Variants in VMP1 observed in about 807,000 individuals in gnomAD.
VMP1 encodes the protein ectopic P-granules autophagy protein 3 homolog.
A neutral mutation model predicts 56.0 loss-of-function variants in VMP1; 11 were observed. The ratio of observed to expected loss-of-function variants is 0.20; its 90% CI spans 0.12 to 0.32. The LOEUF is 0.32. VMP1 is among the 10% of genes least tolerant of loss of function. The pLI, the probability that VMP1 is intolerant of heterozygous loss-of-function variation, is 1.00. For synonymous variants in VMP1, 149 were observed against 165.0 expected (o/e 0.90, Z 0.74); for missense variants, 296 against 490.3 (o/e 0.60, Z 3.74).
chr17:59,790,268 A>G (rs1472301026), intron 7 of VMP1, among the ~76,000 whole-genome samples: 1 of 152,218 alleles, frequency 6.6e-6, no homozygotes, highest in Non-Finnish European at 1.5e-5. Context: ...CTAAGGCCCT[A>G]TGAAGAGATC....
intron 7 of VMP1, among the ~76,000 whole-genome samples, chr17:59,783,112 C>T (rs1443762687): frequency 6.6e-6 from 1 of 152,136 alleles, no homozygotes; most frequent in African/African-American, 2.4e-5. Flanking sequence ...AGGAGAATGG[C>T]ATGAACCTGG....
intron 7 of VMP1, among the ~76,000 whole-genome samples, chr17:59,796,670 G>A (rs939635539): frequency 3.9e-5 from 6 of 152,102 alleles, no homozygotes; most frequent in African/African-American, 1.2e-4. Flanking sequence ...CTAAAACTTA[G>A]CATTTAAAAT....
chr17:59,833,296 A>T (rs569237384), intron 10 of VMP1, among the ~76,000 whole-genome samples: 1 of 152,196 alleles, frequency 6.6e-6, no homozygotes, highest in East Asian at 1.9e-4. Flanking sequence ...CTTTAGTGAT[A>T]ATTAAGCAAA....
intron 5 of VMP1, among the ~76,000 whole-genome samples, chr17:59,757,324 A>C (rs1217076419): frequency 1.3e-5 from 2 of 152,114 alleles, no homozygotes; most frequent in African/African-American, 4.8e-5. Context: ...CCCTTCTAGG[A>C]CAATTTTTTT....
At chr17:59,721,555 C>T (rs1236910920) in intron 1 of VMP1, among the ~76,000 whole-genome samples, 1 of 152,004 alleles carries the variant, frequency 6.6e-6, no homozygotes, top group African/African-American at 2.4e-5. Context: ...TTTGAAGACA[C>T]ATACAGTAAA....
intron 10 of VMP1, chr17:59,837,992 T>C (rs2039034815): frequency 8.6e-6 from 2 of 231,842 alleles, no homozygotes; most frequent in Non-Finnish European, 1.7e-5. Flanking sequence ...CTCTGAGGAC[T>C]AACTCTTTTG....
chr17:59,747,478 C>T (rs947676946), intron 5 of VMP1, among the ~76,000 whole-genome samples: 2 of 149,758 alleles, frequency 1.3e-5, no homozygotes, highest in Admixed American at 1.3e-4. Context: ...GGCACAATCT[C>T]GGCTCGCCAC....
rs757075911 is a variant in VMP1, at chr17:59,773,759, C to A, written c.588C>A (p.Ile196=). 3.1e-6 allele frequency: 5 copies of A among 1,602,046 alleles called. No individual in the cohort carries two copies. The highest frequency in any genetic ancestry group is 4.3e-6 in the Non-Finnish European group (5 of 1,175,838). The change falls in exon 7 of 12, where the codon ATC becomes ATA. Residue 196 remains isoleucine, a synonymous_variant. Coordinates refer to ENST00000262291, the MANE Select transcript of VMP1 (RefSeq NM_030938.5). The part of the protein sequence containing the change: ...KVRIEACMWG[I]GTAIGELPPY... The stretch of plus-strand genomic sequence containing the variant: ...TATTTTGGTTTTTCACCTAGGGTAT[C>A]GGTACAGCAATCGGAGAGCTGCCTC...
In VMP1 at chr17:59,782,257, T is replaced by A. The variant is rs1198987089; in HGVS notation, c.714+8372T>A. Reference sequence around the variant, plus strand: ...TGGTTTTATTCTTTTAAGTCTTTAATCTATGAAAATATTTTTACATATGAT... The same window carrying A: ...TGGTTTTATTCTTTTAAGTCTTTAAACTATGAAAATATTTTTACATATGAT... On this transcript the variant is annotated intron_variant, in intron 7 of 11. Transcript: ENST00000262291. Among the ~76,000 whole-genome samples the A allele has an allele frequency of 2.0e-5, 3 of 152,110 alleles. No homozygotes were observed. The East Asian group carries it at 5.8e-4, about 29-fold the overall frequency.
At chr17:59,712,346 G>C (rs1013842770) in intron 1 of VMP1, among the ~76,000 whole-genome samples, 6 of 152,144 alleles carry the variant, frequency 3.9e-5, no homozygotes, top group Non-Finnish European at 7.3e-5. Flanking sequence ...AACCAAATGA[G>C]GCATTCTTTT....
chr17:59,742,653 A>G (rs554537508), intron 5 of VMP1, among the ~76,000 whole-genome samples: 38 of 152,220 alleles, frequency 2.5e-4, no homozygotes, highest in East Asian at 9.7e-4. Flanking sequence ...CCCAGGCCAC[A>G]GACCAGTACT....
intron 1 of VMP1, among the ~76,000 whole-genome samples, chr17:59,709,418 T>C (rs1452462821): frequency 2.6e-5 from 4 of 152,360 alleles, no homozygotes; most frequent in Non-Finnish European, 5.9e-5. Context: ...ACTTGTTAAG[T>C]AATGGCTGAT....
chr17:59,756,977 C>T (rs1447004309), intron 5 of VMP1, among the ~76,000 whole-genome samples: 3 of 151,968 alleles, frequency 2.0e-5, no homozygotes, highest in African/African-American at 4.8e-5. Context: ...AATCATGAGC[C>T]GCTGTAGTAT....
At position 59,761,980 on chromosome 17, in the gene VMP1, T is replaced by G. The variant is rs1417396017; in HGVS notation, c.415-2991T>G. ...CTTGCTCTTTTGACCATGGAATTTT[T>G]GGCAGGCATGGAATGTGTCTACAGA... On this transcript the variant is annotated intron_variant, in intron 5 of 11. Coordinates refer to ENST00000262291, the MANE Select transcript of VMP1 (RefSeq NM_030938.5). Among the ~76,000 whole-genome samples the G allele has an allele frequency of 6.6e-5, 10 of 152,208 alleles. No individual in the cohort carries two copies. The East Asian group carries it at 1.9e-3, about 29-fold the overall frequency.
chr17:59,801,090 AAATAT>A (rs1312691007), intron 7 of VMP1, among the ~76,000 whole-genome samples: 4 of 117,076 alleles, frequency 3.4e-5, no homozygotes, highest in African/African-American at 1.6e-4. Flanking sequence ...GAAAAAAAAA[AAATAT>A]ATATATATAT....
chr17:59,743,234 C>G (rs1364754917), intron 5 of VMP1, among the ~76,000 whole-genome samples: 1 of 152,040 alleles, frequency 6.6e-6, no homozygotes, highest in Non-Finnish European at 1.5e-5. Context: ...TTAAAAATGC[C>G]CTGTGCTTCA....
chr17:59,714,650 G>A (rs1236766704), intron 1 of VMP1, among the ~76,000 whole-genome samples: 1 of 151,482 alleles, frequency 6.6e-6, no homozygotes, highest in African/African-American at 2.4e-5. Context: ...TTTGTTTTTG[G>A]TGGGGGGTGG....
chr17:59,774,941 A>AT (rs11354629), intron 7 of VMP1, among the ~76,000 whole-genome samples: 15 of 137,604 alleles, frequency 1.1e-4, no homozygotes, highest in South Asian at 2.3e-4. Flanking sequence ...TACAAAAAAA[A>AT]TTTTTTTTTT....
intron 7 of VMP1, among the ~76,000 whole-genome samples, chr17:59,798,259 C>T (rs1458310437): frequency 6.6e-6 from 1 of 152,114 alleles, no homozygotes; most frequent in Non-Finnish European, 1.5e-5. Context: ...GTTGATAGCT[C>T]CCTATTTTTG....
Sources: allele counts gnomAD v4.1 joint callset (sites outside exome capture counted in the v4.1 genomes callset), GRCh38; gene constraint gnomAD v4.1.1; transcripts MANE v1.5; gene names NCBI Gene and HGNC (gene_info 2026-07-23, HGNC 2026-07-21).